The following PIN4 variants were observed in gnomAD, a reference collection of about 807,000 sequenced individuals.
PIN4 encodes peptidylprolyl cis/trans isomerase, NIMA-interacting 4.
PIN4 carries 3 observed loss-of-function variants against 8.3 expected under a neutral mutation model. That is an observed-to-expected ratio of 0.36 (90% confidence interval 0.16 to 0.93). PIN4 has a LOEUF of 0.93. PIN4 is among the 40% of genes least tolerant of loss of function. PIN4 has a pLI of 0.44. For synonymous variants in PIN4, 18 were observed against 32.5 expected, an observed-to-expected ratio of 0.55 and a Z score of 1.52; for missense variants, 75 against 100.6, an observed-to-expected ratio of 0.75 and a Z score of 1.09.
intron 3 of PIN4, among the ~76,000 whole-genome samples, chrX:72,262,026 T>C (rs1179610774): frequency 9.0e-6 from 1 of 111,162 alleles, no homozygotes; most frequent in Non-Finnish European, 1.9e-5. Flanking sequence ...AAGGCACCAA[T>C]TCCTCTGTGA....
intron 3 of PIN4, among the ~76,000 whole-genome samples, chrX:72,210,202 A>AAAATAAAT (rs58086876): frequency 0.035 from 3,370 of 97,150 alleles, 59 homozygotes; most frequent in Non-Finnish European, 0.045. Context: ...TGTCTCTTAA[A>AAAATAAAT]AAATAAATAA....
intron 3 of PIN4, chrX:72,238,915 C>G: frequency 1.7e-6 from 2 of 1,189,856 alleles, no homozygotes. Flanking sequence ...CCTCCATGAC[C>G]CTCGGATTGG....
intron 3 of PIN4, among the ~76,000 whole-genome samples, chrX:72,251,549 A>G (rs2043087929): frequency 9.0e-6 from 1 of 111,107 alleles, no homozygotes; most frequent in South Asian, 3.9e-4. Context: ...CTTTGCTAAC[A>G]GTGTTTTCCA....
chrX:72,187,462 A>G (rs1202233726), intron 2 of PIN4, among the ~76,000 whole-genome samples: 2 of 111,733 alleles, frequency 1.8e-5, no homozygotes, highest in Non-Finnish European at 3.8e-5. Flanking sequence ...CAAGCAATGT[A>G]TTAGGCTCTG....
intron 3 of PIN4, among the ~76,000 whole-genome samples, chrX:72,218,713 G>A (rs2042902014): frequency 9.0e-6 from 1 of 110,726 alleles, no homozygotes; most frequent in Admixed American, 9.7e-5. Context: ...CGGGCTGGTA[G>A]CTCATCAATT....
chrX:72,252,124 C>T (rs1359869883), intron 3 of PIN4, among the ~76,000 whole-genome samples: 2 of 110,176 alleles, frequency 1.8e-5, no homozygotes, highest in Admixed American at 9.7e-5. Flanking sequence ...AGGAAACAAG[C>T]TCTTGGAGTC....
intron 2 of PIN4, among the ~76,000 whole-genome samples, chrX:72,190,346 CAA>C (rs2042725620): frequency 9.0e-6 from 1 of 111,270 alleles, no homozygotes; most frequent in Admixed American, 9.6e-5. Flanking sequence ...AAAGAAAAGA[CAA>C]ATATTTAAGG....
At chrX:72,231,639 C>T (rs997031591) in intron 3 of PIN4, among the ~76,000 whole-genome samples, 6 of 110,505 alleles carry the variant, frequency 5.4e-5, no homozygotes, top group Admixed American at 3.9e-4. Context: ...CTGCAGCCTC[C>T]GCCTCCTGGG....
intron 2 of PIN4, among the ~76,000 whole-genome samples, chrX:72,188,804 G>C (rs2147568914): frequency 8.9e-6 from 1 of 111,982 alleles, no homozygotes; most frequent in South Asian, 3.7e-4. Context: ...GATTATAGGG[G>C]CATGAGCCAC....
Position 72,191,192 on chromosome X carries a change from G to A in PIN4, c.117+4658G>A, listed in dbSNP as rs747054829. 9.6e-4 allele frequency among the ~76,000 whole-genome samples: 106 copies of A among 110,433 alleles called. 1 individual carries two copies. The highest frequency in any genetic ancestry group is 3.5e-3 in the African/African-American group (105 of 30,160). On this transcript the variant is annotated intron_variant, in intron 2 of 3. Coordinates refer to ENST00000373669, the MANE Select transcript of PIN4 (RefSeq NM_006223.4). Reference sequence around the variant, plus strand: ...CAGATTCGCCTAAAAAAATACGAGTGCCTAGGGTCTCATCCCAGACCAACT... The same window carrying A: ...CAGATTCGCCTAAAAAAATACGAGTACCTAGGGTCTCATCCCAGACCAACT...
intron 3 of PIN4, among the ~76,000 whole-genome samples, chrX:72,244,352 G>A (rs181493749): frequency 2.7e-5 from 3 of 111,868 alleles, no homozygotes; most frequent in African/African-American, 9.7e-5. Flanking sequence ...TTTGATCTAA[G>A]AGCTGAAGGG....
rs1045614869 is a variant in PIN4 at position 72,240,735 on chromosome X, C to T, written c.313-21972C>T. ...GAATCGCTTGAACCCAGGAGGCAGA[C>T]GTTGCAGTGAGCTGAGATCGTGCCA... On this transcript the variant is annotated intron_variant, in intron 3 of 3. Coordinates refer to the PIN4 transcript ENST00000423432. Among the ~76,000 whole-genome samples, 3 of 104,800 alleles carry T rather than the reference C, an allele frequency of 2.9e-5. No homozygotes were observed. The East Asian group carries it at 9.5e-4, about 33-fold the overall frequency. The allele number at this position is 104,800 out of a possible 115,157, so 91.0% of individuals were successfully genotyped here.
intron 3 of PIN4, among the ~76,000 whole-genome samples, chrX:72,220,250 A>AC (rs1490293595): frequency 9.0e-6 from 1 of 111,412 alleles, no homozygotes; most frequent in Non-Finnish European, 1.9e-5. Flanking sequence ...AAGATAAAAA[A>AC]TGTAATAATC....
rs1043302678 is a variant in PIN4, at chrX:72,224,233, A to G, written c.312+27329A>G. Among the ~76,000 whole-genome samples the G allele has an allele frequency of 3.6e-5, 4 of 111,668 alleles. No individual in the cohort carries two copies. In the Admixed American group the frequency reaches 3.8e-4, roughly 11 times the overall value. ...ATTTTCTGTTGTTGGCATGAAGGAC[A>G]TACAAGAACTTCCATACAAAACACT... On this transcript the variant is annotated intron_variant, in intron 3 of 3. Transcript: ENST00000423432.
At chrX:72,262,250 G>A (rs747242397) in intron 3 of PIN4, among the ~76,000 whole-genome samples, 6 of 112,363 alleles carry the variant, frequency 5.3e-5, no homozygotes, top group Non-Finnish European at 1.1e-4. Flanking sequence ...GTTGTGGTTC[G>A]ATAAATGTTT....
chrX:72,192,654 C>T (rs1373097241), intron 2 of PIN4, among the ~76,000 whole-genome samples: 3 of 111,298 alleles, frequency 2.7e-5, no homozygotes, highest in African/African-American at 9.8e-5. Flanking sequence ...CATGCAGTGG[C>T]ATGATCATAG....
intron 3 of PIN4, among the ~76,000 whole-genome samples, chrX:72,250,265 T>C (rs2043081593): frequency 9.1e-6 from 1 of 110,287 alleles, no homozygotes; most frequent in African/African-American, 3.3e-5. Context: ...AAATGGTCAA[T>C]TTTATGTTAT....
chrX:72,237,476 T>C (rs1602455415), intron 3 of PIN4, among the ~76,000 whole-genome samples: 1 of 111,313 alleles, frequency 9.0e-6, no homozygotes, highest in Non-Finnish European at 1.9e-5. Flanking sequence ...CGGGCGCCTG[T>C]AGTCCCAGCT....
chrX:72,258,493 G>C (rs1313886825), intron 3 of PIN4, among the ~76,000 whole-genome samples: 1 of 111,512 alleles, frequency 9.0e-6, no homozygotes, highest in East Asian at 2.8e-4. Context: ...TTGCATTCTG[G>C]CCTGAATCGC....
Sources: allele counts gnomAD v4.1 joint callset (sites outside exome capture counted in the v4.1 genomes callset), GRCh38; gene constraint gnomAD v4.1.1; transcripts MANE v1.5; gene names NCBI Gene and HGNC (gene_info 2026-07-23, HGNC 2026-07-21).